DOCK9: variants seen among roughly 807,000 people sequenced by gnomAD.
DOCK9 encodes dedicator of cytokinesis protein 9.
In DOCK9, 89 loss-of-function variants were observed where a neutral mutation model predicts 263.3. The ratio of observed to expected loss-of-function variants is 0.34; its 90% confidence interval spans 0.28 to 0.40. The LOEUF (loss-of-function observed/expected upper bound fraction) is 0.40. Among genes scored for constraint, DOCK9 ranks in the 10% least tolerant of loss-of-function variants. DOCK9 has a pLI of 1.00. For synonymous variants in DOCK9, 976 were observed against 973.1 expected (o/e 1.00, Z -0.06); for missense variants, 2,140 against 2,603.4 (o/e 0.82, Z 3.87).
Position 98,915,419 on chromosome 13 carries a change from T to C in DOCK9, c.802A>G (p.Met268Val), listed in dbSNP as rs1045632891. The change falls in exon 8 of 53, where the codon ATG (methionine) becomes GTG (valine). Residue 268 changes from methionine to valine, a missense_variant. Physicochemically the swap from Met to Val is conservative, Grantham distance 21. Around this residue, in one of 2 missense-constraint regions of DOCK9, gnomAD observed 1,521 missense variants for 1,741.7 expected, o/e 0.87. Transcript: ENST00000682017. ...TTTAGAATTGTGATCCATTCTTCCA[T>C]TTCCACTTCACTGTCTGCTGCCAAG... is the stretch of plus-strand genomic sequence containing the variant. Reference protein sequence around the residue: ...YLLAADSEVEMEEWITILNKI... With the variant: ...YLLAADSEVEVEEWITILNKI... 2.5e-6 allele frequency: 4 copies of C among 1,613,904 alleles called. No homozygotes were observed. Among genetic ancestry groups the C allele is most frequent in the African/African-American group, 1.3e-5 (1 of 74,930 alleles).
At chr13:98,871,764 TC>T (rs1392467128) in intron 27 of DOCK9, 1 of 152,448 alleles carries the variant, frequency 6.6e-6, no homozygotes. Flanking sequence ...CACTGCAGCA[TC>T]CCTTTCTGTC....
At position 98,863,619 on chromosome 13, in the gene DOCK9, C is replaced by A; in HGVS notation, c.3287-71G>T. 1.6e-5 allele frequency: 24 copies of A among 1,479,774 alleles called. No homozygotes were observed. The Admixed American group carries it at 2.1e-4, about 13-fold the overall frequency. The allele number at this position is 1,479,774 out of a possible 1,614,324, so 91.7% of individuals were successfully genotyped here. On this transcript the variant is annotated intron_variant, in intron 30 of 52. Coordinates refer to ENST00000682017, the MANE Select transcript of DOCK9 (RefSeq NM_001366683.2). ...TCTTTGAATAAAACAAACAAACAAA[C>A]AAACAAAAAAAACTAAGACCCATCC...
At chr13:99,086,295 C>A (rs1490421635) in exon 1 of DOCK9, 3 of 1,491,370 alleles carry the variant, frequency 2.0e-6, no homozygotes, top group Non-Finnish European at 2.7e-6. Flanking sequence ...GCTTACTCAG[C>A]GCCCGGGTGA....
chr13:98,863,192 G>C (rs1566761159), intron 31 of DOCK9, 60 bp from the exon 32 acceptor site: 1 of 1,520,952 alleles, frequency 6.6e-7, no homozygotes, highest in Non-Finnish European at 9.0e-7. Context: ...AACTAAGTTG[G>C]TGCTGACCAT....
chr13:99,084,160 G>A (rs117544113), intron 1 of DOCK9, among the ~76,000 whole-genome samples: 1,963 of 152,282 alleles, frequency 0.013, 12 homozygotes, highest in Non-Finnish European at 0.02. Context: ...ACCTGCTGTG[G>A]CTCCCTGGCA....
At chr13:98,867,343 C>T (rs1284411850) in intron 30 of DOCK9, 82 bp downstream of exon 30, 4 of 826,422 alleles carry the variant, frequency 4.8e-6, no homozygotes, top group Non-Finnish European at 7.7e-6. Context: ...ATTCAAATAT[C>T]ATGTTTGAAT....
chr13:98,850,945 T>G (rs914517193), intron 35 of DOCK9, among the ~76,000 whole-genome samples: 1 of 151,966 alleles, frequency 6.6e-6, no homozygotes, highest in Non-Finnish European at 1.5e-5. Context: ...AAAGCCAGAG[T>G]CTTTGGGGCC....
chr13:98,896,489 C>CA (rs35867799), intron 15 of DOCK9, among the ~76,000 whole-genome samples: 2,962 of 91,592 alleles, frequency 0.032, 32 homozygotes, highest in Middle Eastern at 0.059. Flanking sequence ...TTGATATGCA[C>CA]AAAAAAAAAA....
chr13:98,921,143 T>G (rs1758628448), intron 6 of DOCK9, 55 bp from the exon 7 acceptor site: 1 of 1,530,704 alleles, frequency 6.5e-7, no homozygotes, highest in Non-Finnish European at 8.8e-7. Flanking sequence ...GGTCACAATC[T>G]CTATCAATAA....
intron 1 of DOCK9, among the ~76,000 whole-genome samples, chr13:98,964,397 C>CCTGGAGCTG (rs2058990241): frequency 6.6e-6 from 1 of 152,076 alleles, no homozygotes; most frequent in Non-Finnish European, 1.5e-5. Flanking sequence ...AAAGGAGGTT[C>CCTGGAGCTG]CTGGAGCTGA....
rs773653286 is a variant in DOCK9, at chr13:98,805,229, A to G, written c.5515-20T>C. On this transcript the variant is annotated intron_variant, in intron 48 of 52. Coordinates refer to ENST00000682017, the MANE Select transcript of DOCK9 (RefSeq NM_001366683.2). ...GTTGACCTTTAATTGAAACAGCACA[A>G]TGGGAGATTGGTGCTCCATGAAGGA... is the stretch of plus-strand genomic sequence containing the variant. 4.5e-6 allele frequency: 7 copies of G among 1,562,844 alleles called. No homozygotes were observed. Among genetic ancestry groups the G allele is most frequent in the Middle Eastern group, 1.7e-4 (1 of 6,000 alleles).
intron 38 of DOCK9, among the ~76,000 whole-genome samples, chr13:98,844,976 G>C (rs1365270290): frequency 6.6e-6 from 1 of 152,192 alleles, no homozygotes; most frequent in Non-Finnish European, 1.5e-5. Flanking sequence ...AACTAGCTGT[G>C]TCATGCTTGG....
chr13:99,070,104 C>T (rs1180124066), intron 1 of DOCK9, among the ~76,000 whole-genome samples: 1 of 152,174 alleles, frequency 6.6e-6, no homozygotes, highest in African/African-American at 2.4e-5. Flanking sequence ...GCATTTAATG[C>T]AGGGCTCTTA....
chr13:98,844,972 C>A (rs2093344768), intron 38 of DOCK9, among the ~76,000 whole-genome samples: 1 of 152,140 alleles, frequency 6.6e-6, no homozygotes, highest in Admixed American at 6.5e-5. Flanking sequence ...CAATAACTAG[C>A]TGTGTCATGC....
chr13:99,076,738 CA>C lies in DOCK9; in HGVS notation c.129+9484del, dbSNP rs571037188. Among the ~76,000 whole-genome samples, 19 of 152,274 alleles carry C rather than the reference CA, an allele frequency of 1.2e-4. No individual in the cohort carries two copies. In the South Asian group the frequency reaches 3.7e-3, roughly 30 times the overall value. On this transcript the variant is annotated intron_variant, in intron 1 of 32. Coordinates refer to the DOCK9 transcript ENST00000427887. ...GATATAGAGTCAGATGTAGCATCTT[CA>C]GGGTTTGTTCATTCATCCAAAAAAT...
intron 1 of DOCK9, among the ~76,000 whole-genome samples, chr13:99,011,957 G>A (rs1394846730): frequency 1.3e-5 from 2 of 151,992 alleles, no homozygotes; most frequent in African/African-American, 2.4e-5. Context: ...AAGTAGCTGG[G>A]GCTACTTGGC....
chr13:98,951,425 C>A (rs1320030894), intron 2 of DOCK9, among the ~76,000 whole-genome samples: 1 of 152,148 alleles, frequency 6.6e-6, no homozygotes, highest in Non-Finnish European at 1.5e-5. Flanking sequence ...GGGTATTCAA[C>A]CCTAGCACCT....
At chr13:99,054,960 T>C (rs750421871) in intron 1 of DOCK9, among the ~76,000 whole-genome samples, 1 of 152,200 alleles carries the variant, frequency 6.6e-6, no homozygotes, top group African/African-American at 2.4e-5. Flanking sequence ...AGTCATCCAT[T>C]TCACAAACCA....
chr13:98,875,265 TGAATGCATACTAGCATACTGGTA>T (rs998159090), intron 27 of DOCK9, among the ~76,000 whole-genome samples: 12 of 152,308 alleles, frequency 7.9e-5, no homozygotes, highest in Admixed American at 2.6e-4. Context: ...CACTTGAGGG[TGAATGCATACTAGCATACTGGTA>T]GAATGCATAC....
Sources: gnomAD v4.1 joint callset for allele counts (sites outside exome capture counted in the v4.1 genomes callset) on GRCh38, gnomAD v4.1.1 for gene constraint, gnomAD v4.1.1 regional missense constraint, MANE v1.5 for transcripts, NCBI Gene and HGNC (gene_info 2026-07-23, HGNC 2026-07-21) for gene names.